Variants in PTPRT observed in about 807,000 individuals in gnomAD.
PTPRT encodes the protein protein tyrosine phosphatase receptor type T.
A neutral mutation model predicts 176.8 loss-of-function variants in PTPRT; 56 were observed. The observed-to-expected ratio is 0.32, with a 90% CI of 0.26 to 0.40. PTPRT has a LOEUF of 0.40. Among genes scored for constraint, PTPRT ranks in the 10% least tolerant of loss-of-function variants. The pLI, the probability that PTPRT is intolerant of heterozygous loss-of-function variation, is 1.00. For missense variants in PTPRT, 1,540 were observed against 1,908.2 expected (o/e 0.81, Z 3.60); for synonymous variants, 783 against 739.0 (o/e 1.06, Z -0.96).
chr20:42,943,457 A>G (rs932722094), intron 1 of PTPRT, among the ~76,000 whole-genome samples: 1 of 152,176 alleles, frequency 6.6e-6, no homozygotes, highest in Non-Finnish European at 1.5e-5. Flanking sequence ...AGAGCTGTCC[A>G]CTGAAGACTA....
intron 6 of PTPRT, among the ~76,000 whole-genome samples, chr20:42,737,044 C>A (rs1036327710): frequency 6.6e-6 from 1 of 152,174 alleles, no homozygotes; most frequent in Admixed American, 6.5e-5. Context: ...CACATGGGTG[C>A]TGCGGATTCA....
intron 7 of PTPRT, among the ~76,000 whole-genome samples, chr20:42,613,729 G>A (rs1052898025): frequency 1.3e-5 from 2 of 152,232 alleles, no homozygotes. Context: ...TGTCTAAGCT[G>A]AAAGAAAATT....
chr20:42,427,302 A>G (rs552493871), intron 9 of PTPRT, among the ~76,000 whole-genome samples: 1 of 152,332 alleles, frequency 6.6e-6, no homozygotes, highest in Admixed American at 6.5e-5. Flanking sequence ...TCATCCTTTT[A>G]AGTGTTTCTC....
rs989921993 is a variant in PTPRT at position 43,189,573 on chromosome 20, G to A, written c.88+73C>T. ...GCCCACACAACTTTCTCCTCCGAGG[G>A]CCCCGCGGCTGGGGGCCCGCGCGCA... is the stretch of plus-strand genomic sequence containing the variant. On this transcript the variant is annotated intron_variant, in intron 1 of 30. Transcript: ENST00000373187. This position sits in a 1 kb window ranked among gnomAD's most constrained non-coding sequence, Gnocchi z 5.0. 4.2e-5 allele frequency: 43 copies of A among 1,017,466 alleles called. No individual in the cohort carries two copies. Among genetic ancestry groups the A allele is most frequent in the Non-Finnish European group, 5.1e-5 (41 of 803,162 alleles). The allele number at this position is 1,017,466 out of a possible 1,614,324, so 63.0% of individuals were successfully genotyped here.
chr20:42,749,157 C>T (rs1480750283), intron 6 of PTPRT, among the ~76,000 whole-genome samples: 1 of 152,128 alleles, frequency 6.6e-6, no homozygotes, highest in Non-Finnish European at 1.5e-5. Flanking sequence ...TATGAGTGTG[C>T]ACACTACTAT....
At chr20:42,868,071 T>C (rs548551012) in intron 2 of PTPRT, among the ~76,000 whole-genome samples, 1 of 152,164 alleles carries the variant, frequency 6.6e-6, no homozygotes, top group South Asian at 2.1e-4. Flanking sequence ...TTGTAACAAA[T>C]ACATAAAATG....
chr20:42,571,909 A>G (rs1452481529), intron 7 of PTPRT, among the ~76,000 whole-genome samples: 1 of 152,134 alleles, frequency 6.6e-6, no homozygotes, highest in Non-Finnish European at 1.5e-5. Flanking sequence ...TGTCCCACAT[A>G]TCAGCCAGGA....
intron 9 of PTPRT, among the ~76,000 whole-genome samples, chr20:42,432,519 T>C (rs767473352): frequency 3.2e-4 from 48 of 152,268 alleles, no homozygotes; most frequent in South Asian, 2.1e-4. Context: ...AAATCACACG[T>C]TACTACATTC....
intron 7 of PTPRT, among the ~76,000 whole-genome samples, chr20:42,557,219 G>A (rs1982249071): frequency 6.6e-6 from 1 of 152,018 alleles, no homozygotes; most frequent in African/African-American, 2.4e-5. Flanking sequence ...TGTATATTAA[G>A]TACTCATTAT....
At chr20:42,493,576 C>T (rs1258976822) in intron 7 of PTPRT, among the ~76,000 whole-genome samples, 1 of 151,996 alleles carries the variant, frequency 6.6e-6, no homozygotes, top group Non-Finnish European at 1.5e-5. Flanking sequence ...AGGATAAGAA[C>T]TCATTGGTGA....
chr20:42,229,019 T>G (rs1306363956), intron 15 of PTPRT, among the ~76,000 whole-genome samples: 1 of 152,132 alleles, frequency 6.6e-6, no homozygotes, highest in African/African-American at 2.4e-5. Context: ...ACAATGACAC[T>G]CCCTTTATAA....
At chr20:42,380,972 G>A (rs1429908084) in intron 9 of PTPRT, among the ~76,000 whole-genome samples, 1 of 152,176 alleles carries the variant, frequency 6.6e-6, no homozygotes, top group African/African-American at 2.4e-5. Context: ...GATGGCAAAG[G>A]AGGAGCAGGC....
rs540466612 is a variant in PTPRT at position 42,919,696 on chromosome 20, C to G, written c.89-33764G>C. On this transcript the variant is annotated intron_variant, in intron 1 of 30. Transcript: ENST00000373187. ...GAATTAAAGTTACAGAGACTTAATA[C>G]AGAAGCAGAAACCTTTAAACCTTGT... is the stretch of plus-strand genomic sequence containing the variant. Among the ~76,000 whole-genome samples the G allele has an allele frequency of 2.0e-5, 3 of 152,326 alleles. No homozygotes were observed. In the South Asian group the frequency reaches 6.2e-4, roughly 32 times the overall value.
At chr20:42,412,732 T>C (rs924616799) in intron 9 of PTPRT, among the ~76,000 whole-genome samples, 1 of 152,166 alleles carries the variant, frequency 6.6e-6, no homozygotes, top group Non-Finnish European at 1.5e-5. Flanking sequence ...AAAGTACTAA[T>C]ACATGCAGTA....
Position 42,248,803 on chromosome 20 carries a change from A to G in PTPRT, c.2196T>C (p.Ser732=), listed in dbSNP as rs2146914776. 2 of 1,614,058 alleles carry G rather than the reference A, an allele frequency of 1.2e-6. No individual in the cohort carries two copies. Among genetic ancestry groups the G allele is most frequent in the South Asian group, 1.1e-5 (1 of 91,072 alleles). Residue 732 remains serine, a synonymous_variant, in exon 14 of 31, where the codon TCT becomes TCC. Transcript: ENST00000373187. ...LATKGASTQN[S]NTVEPEKQVD... ...CCTGCTTCTCTGGCTCCACAGTGTT[A>G]GAATTCTGGGTGGAGGCACCTAGGA...
At chr20:42,522,009 A>T (rs2072185551) in intron 7 of PTPRT, among the ~76,000 whole-genome samples, 1 of 151,966 alleles carries the variant, frequency 6.6e-6, no homozygotes, top group Non-Finnish European at 1.5e-5. Flanking sequence ...TAATTATTGA[A>T]GTTATTTCAG....
intron 16 of PTPRT, among the ~76,000 whole-genome samples, chr20:42,176,327 G>A (rs1233516183): frequency 6.7e-6 from 1 of 149,564 alleles, no homozygotes; most frequent in African/African-American, 2.6e-5. Flanking sequence ...TTGCCTTGGT[G>A]AGTGTGGGGA....
intron 7 of PTPRT, among the ~76,000 whole-genome samples, chr20:42,586,080 T>C (rs532095058): frequency 1.3e-5 from 2 of 152,088 alleles, no homozygotes; most frequent in African/African-American, 2.4e-5. Context: ...ATTTATAAAA[T>C]AGAAATATAA....
intron 5 of PTPRT, among the ~76,000 whole-genome samples, chr20:42,771,156 G>C (rs746508140): frequency 3.9e-5 from 6 of 152,048 alleles, no homozygotes; most frequent in African/African-American, 1.2e-4. Context: ...GACACATCCC[G>C]CCAGACAAGT....
Sources: allele counts gnomAD v4.1 joint callset (sites outside exome capture counted in the v4.1 genomes callset), GRCh38; gene constraint gnomAD v4.1.1; non-coding constraint Gnocchi (gnomAD v3.1); transcripts MANE v1.5; gene names NCBI Gene and HGNC (gene_info 2026-07-23, HGNC 2026-07-21).